The following LRRTM4 variants were observed in gnomAD, a reference collection of about 807,000 sequenced individuals.
LRRTM4 encodes leucine rich repeat transmembrane neuronal 4.
In LRRTM4, 25 loss-of-function variants were observed where a neutral mutation model predicts 47.6. The observed-to-expected ratio is 0.53, with a 90% CI of 0.38 to 0.73. The LOEUF (loss-of-function observed/expected upper bound fraction) is 0.73. Among genes scored for constraint, LRRTM4 ranks in the 30% least tolerant of loss-of-function variants. The pLI is 0.00. For synonymous variants in LRRTM4, 311 were observed against 269.5 expected (o/e 1.15, Z -1.51); for missense variants, 638 against 713.4 (o/e 0.89, Z 1.20).
intron 3 of LRRTM4, among the ~76,000 whole-genome samples, chr2:77,338,299 C>G (rs890483905): frequency 6.6e-6 from 1 of 152,000 alleles, no homozygotes; most frequent in Non-Finnish European, 1.5e-5. Context: ...ACAGAGTAAA[C>G]AGACAACCTA....
At chr2:76,773,261 C>A (rs1228674155) in intron 3 of LRRTM4, among the ~76,000 whole-genome samples, 1 of 152,238 alleles carries the variant, frequency 6.6e-6, no homozygotes, top group Non-Finnish European at 1.5e-5. Context: ...TCACATTTAT[C>A]ATTCTCCACC....
intron 3 of LRRTM4, among the ~76,000 whole-genome samples, chr2:77,249,976 A>G (rs1675558581): frequency 6.6e-6 from 1 of 152,242 alleles, no homozygotes; most frequent in Non-Finnish European, 1.5e-5. Flanking sequence ...ATAATGGTAT[A>G]TAATTCAGTG....
intron 3 of LRRTM4, among the ~76,000 whole-genome samples, chr2:76,896,600 A>G (rs1394160447): frequency 2.0e-5 from 3 of 151,980 alleles, no homozygotes; most frequent in African/African-American, 7.2e-5. Context: ...CTACTTGTCA[A>G]TTGTTTAGAG....
intron 3 of LRRTM4, among the ~76,000 whole-genome samples, chr2:77,070,462 G>C (rs1336971367): frequency 6.6e-6 from 1 of 151,698 alleles, no homozygotes; most frequent in Non-Finnish European, 1.5e-5. Flanking sequence ...TCCTAAAAAT[G>C]TTCAATCTTT....
intron 3 of LRRTM4, among the ~76,000 whole-genome samples, chr2:76,880,589 C>T (rs1672901453): frequency 6.6e-6 from 1 of 151,912 alleles, no homozygotes; most frequent in African/African-American, 2.4e-5. Flanking sequence ...GATTTGGAAC[C>T]CAACCCACAG....
At chr2:77,363,965 T>C (rs1477253367) in intron 3 of LRRTM4, among the ~76,000 whole-genome samples, 1 of 152,152 alleles carries the variant, frequency 6.6e-6, no homozygotes, top group African/African-American at 2.4e-5. Context: ...TAATTCCCCA[T>C]ATGATTGACA....
chr2:76,995,702 C>G (rs1399755375), intron 3 of LRRTM4, among the ~76,000 whole-genome samples: 1 of 151,980 alleles, frequency 6.6e-6, no homozygotes, highest in African/African-American at 2.4e-5. Context: ...CAAGGTAAGC[C>G]ATATAGATTC....
chr2:77,222,125 G>A (rs1424135912), intron 3 of LRRTM4, among the ~76,000 whole-genome samples: 3 of 152,146 alleles, frequency 2.0e-5, no homozygotes, highest in African/African-American at 7.2e-5. Flanking sequence ...ATAAGGAAAT[G>A]AAGGCAGAAA....
intron 3 of LRRTM4, among the ~76,000 whole-genome samples, chr2:76,791,376 A>G (rs568255775): frequency 6.6e-6 from 1 of 152,320 alleles, no homozygotes; most frequent in South Asian, 2.1e-4. Flanking sequence ...AACTCAGTGA[A>G]AGGCATTTTG....
At chr2:77,293,653 T>G (rs545417631) in intron 3 of LRRTM4, among the ~76,000 whole-genome samples, 1 of 152,224 alleles carries the variant, frequency 6.6e-6, no homozygotes, top group South Asian at 2.1e-4. Context: ...TGATTGTCCT[T>G]TTGGTGCTGA....
chr2:77,521,737 AACC>A lies in LRRTM4; in HGVS notation c.-69_-67del. On this transcript the variant is annotated 5_prime_UTR_variant, in exon 2 of 4. Transcript: ENST00000409884. ...CTTCTTATTTGGTCTCTTGTGCGGA[AACC>A]ACCACCACCTTCATGACACAGTGCG... 1.3e-6 allele frequency: 2 copies of A among 1,575,764 alleles called. No homozygotes were observed. Among genetic ancestry groups the A allele is most frequent in the East Asian group, 2.2e-5 (1 of 44,620 alleles).
chr2:76,775,783 T>C (rs1198186271), intron 3 of LRRTM4, among the ~76,000 whole-genome samples: 1 of 152,102 alleles, frequency 6.6e-6, no homozygotes, highest in Non-Finnish European at 1.5e-5. Flanking sequence ...ATACTTTAAG[T>C]TTTAGGGTAC....
In LRRTM4 at chr2:76,781,990, A is replaced by T. The variant is rs142209152; in HGVS notation, c.1552-33074T>A. ...GCCAAACCTCTTTCTAAAATTGTCAAACCATCCTTTGCTGACATTAAATAC... is the reference window on the plus strand; with the variant it reads ...GCCAAACCTCTTTCTAAAATTGTCATACCATCCTTTGCTGACATTAAATAC... On this transcript the variant is annotated intron_variant, in intron 3 of 3. Coordinates refer to ENST00000409884, the MANE Select transcript of LRRTM4 (RefSeq NM_001134745.3). 1.8e-3 allele frequency among the ~76,000 whole-genome samples: 274 copies of T among 152,256 alleles called. 1 individual carries two copies. Among genetic ancestry groups the T allele is most frequent in the African/African-American group, 6.3e-3 (260 of 41,540 alleles).
rs570458703 is a variant in LRRTM4, at chr2:76,991,364, T to A, written c.1552-242448A>T. Among the ~76,000 whole-genome samples, 5 of 151,778 alleles carry A rather than the reference T, an allele frequency of 3.3e-5. No individual in the cohort carries two copies. The South Asian group carries it at 6.2e-4, about 19-fold the overall frequency. ...GGATCACAAAACCAAAATTTATTGT[T>A]TGAAAGGACAAACAAGATCAATAGA... On this transcript the variant is annotated intron_variant, in intron 3 of 3. Coordinates refer to ENST00000409884, the MANE Select transcript of LRRTM4 (RefSeq NM_001134745.3).
intron 3 of LRRTM4, among the ~76,000 whole-genome samples, chr2:77,000,223 G>A (rs1197792331): frequency 6.6e-6 from 1 of 151,898 alleles, no homozygotes; most frequent in South Asian, 2.1e-4. Flanking sequence ...CTGGACACAG[G>A]AGAATGTTTT....
chr2:77,124,844 C>T (rs1016883790), intron 3 of LRRTM4, among the ~76,000 whole-genome samples: 1 of 152,098 alleles, frequency 6.6e-6, no homozygotes. Flanking sequence ...CAATACTTAA[C>T]ATTGTGCTGA....
At chr2:76,792,317 T>A (rs1470020377) in intron 3 of LRRTM4, among the ~76,000 whole-genome samples, 1 of 152,076 alleles carries the variant, frequency 6.6e-6, no homozygotes, top group East Asian at 1.9e-4. Context: ...CTTTACACAT[T>A]AAGTTAAATA....
At chr2:77,043,876 A>T (rs1679122625) in intron 3 of LRRTM4, among the ~76,000 whole-genome samples, 1 of 151,530 alleles carries the variant, frequency 6.6e-6, no homozygotes, top group South Asian at 2.1e-4. Context: ...AAATAGCAAA[A>T]TGGTCATTTT....
chr2:77,438,092 CT>C (rs1184265141), intron 3 of LRRTM4, among the ~76,000 whole-genome samples: 1 of 152,038 alleles, frequency 6.6e-6, no homozygotes, highest in African/African-American at 2.4e-5. Flanking sequence ...ATTTCAGAGT[CT>C]ATAAAATGTT....
Sources: allele counts gnomAD v4.1 joint callset (sites outside exome capture counted in the v4.1 genomes callset), GRCh38; gene constraint gnomAD v4.1.1; transcripts MANE v1.5; gene names NCBI Gene and HGNC (gene_info 2026-07-23, HGNC 2026-07-21).